Variants in NAIP observed in about 807,000 individuals in gnomAD.
NAIP encodes baculoviral IAP repeat-containing protein 1.
In NAIP, 15 loss-of-function variants were observed where a neutral mutation model predicts 23.0. That is an observed-to-expected ratio of 0.65 (90% CI 0.44 to 1.00). NAIP has a LOEUF of 1.00. Ranked by LOEUF, NAIP falls within the 50% of genes least tolerant of loss-of-function variation. The pLI, the probability that NAIP is intolerant of heterozygous loss-of-function variation, is 0.00. For synonymous variants in NAIP, 100 were observed against 100.2 expected, an observed-to-expected ratio of 1.00 and a Z score of 0.01; for missense variants, 265 against 278.8, an observed-to-expected ratio of 0.95 and a Z score of 0.35.
intron 4 of NAIP, 113 bp downstream of exon 4, chr5:71,012,235 A>G (rs1751193375): frequency 1.1e-6 from 1 of 914,320 alleles, no homozygotes; most frequent in Non-Finnish European, 1.6e-6. Flanking sequence ...TATACCTAAT[A>G]TAACACATTT....
chr5:70,977,826 C>T (rs211492), intron 13 of NAIP, among the ~76,000 whole-genome samples: 1 of 117,700 alleles, frequency 8.5e-6, no homozygotes, highest in Non-Finnish European at 1.9e-5. Flanking sequence ...AACCCCGTCT[C>T]TACTAAAAAT....
At chr5:71,012,050 A>C (rs1356175086) in intron 4 of NAIP, among the ~76,000 whole-genome samples, 1 of 151,572 alleles carries the variant, frequency 6.6e-6, no homozygotes, top group Non-Finnish European at 1.5e-5. Context: ...TGACCGCATG[A>C]GTTATTTAAT....
At position 71,012,263 on chromosome 5, in the gene NAIP, T is replaced by A. The variant is rs999707624; in HGVS notation, c.568+85A>T. The A allele has an allele frequency of 1.1e-5, 14 of 1,266,252 alleles. No individual in the cohort carries two copies. In the African/African-American group the frequency reaches 2.1e-4, roughly 19 times the overall value. The allele number at this position is 1,266,252 out of a possible 1,614,324, so 78.4% of individuals were successfully genotyped here. A position where few individuals can be genotyped will look rare whatever the true frequency, so the allele number is the denominator to read the frequency against. On this transcript the variant is annotated intron_variant, in intron 4 of 16. Transcript: ENST00000517649. The stretch of plus-strand genomic sequence containing the variant: ...ACACATTTAACCAGTGAAGAAAGTT[T>A]AGCAAAATATTGCAAAAGCAATTGA...
In NAIP at chr5:70,973,144, T is replaced by C. The variant is rs1347927813; in HGVS notation, c.3847+985A>G. On this transcript the variant is annotated intron_variant, in intron 16 of 16. Transcript: ENST00000517649. The stretch of plus-strand genomic sequence containing the variant: ...CTCGATCTCCTGACCTCGTGATCCA[T>C]CCGCCTCGGCCTCCCAAAGTGCTGG... 2.7e-5 allele frequency among the ~76,000 whole-genome samples: 4 copies of C among 150,892 alleles called. No individual in the cohort carries two copies. The East Asian group carries it at 6.0e-4, about 22-fold the overall frequency.
rs1419346372 is a variant in NAIP at position 71,012,446 on chromosome 5, T to G, written c.470A>C (p.Gln157Pro). The change falls in exon 4 of 17, where the codon CAA becomes CCA. Residue 157 changes from glutamine to proline, a missense_variant. Transcript: ENST00000517649. Reference protein sequence around the residue: ...SRLRGGKMRYQEEEARLASFR... With the variant: ...SRLRGGKMRYPEEEARLASFR... ...GGACGCAAGTCTAGCCTCCTCTTCT[T>G]GGTACCTCATTTTACCTCCTCTCAG... The G allele has an allele frequency of 1.9e-6, 3 of 1,611,508 alleles. No homozygotes were observed. The Admixed American group carries it at 5.0e-5, about 27-fold the overall frequency.
intron 12 of NAIP, among the ~76,000 whole-genome samples, chr5:70,980,554 CAAAA>C (rs1300023151): frequency 1.3e-4 from 1 of 7,600 alleles, no homozygotes; most frequent in Non-Finnish European, 2.0e-4. Flanking sequence ...GACTCCGTCT[CAAAA>C]AAAAAAAAAA....
At position 71,011,363 on chromosome 5, in the gene NAIP, T is replaced by C; in HGVS notation, c.580A>G (p.Thr194Ala). ...AGFVFTGKQDTVQCFSCGGCL... is the reference protein window; with the variant it reads ...AGFVFTGKQDAVQCFSCGGCL... Reference sequence around the variant, plus strand: ...CCACCACAGGAAAAACACTGTACCGTGTCCTGTTTACCTATATATGAAGGA... The same window carrying C: ...CCACCACAGGAAAAACACTGTACCGCGTCCTGTTTACCTATATATGAAGGA... Residue 194 changes from threonine (T) to alanine (A), a missense_variant, in exon 5 of 17, where the codon ACG (threonine) becomes GCG (alanine). Coordinates refer to ENST00000517649, the MANE Select transcript of NAIP (RefSeq NM_004536.3). The C allele has an allele frequency of 1.9e-6, 3 of 1,601,620 alleles. No individual in the cohort carries two copies. The highest frequency in any genetic ancestry group is 2.6e-6 in the Non-Finnish European group (3 of 1,172,894).
rs1296399975 is a variant in NAIP at position 71,011,385 on chromosome 5, A to C, written c.569-11T>G. 1.9e-6 allele frequency: 3 copies of C among 1,577,648 alleles called. No homozygotes were observed. The South Asian group carries it at 3.5e-5, about 18-fold the overall frequency. ...CCGTGTCCTGTTTACCTATATATGA[A>C]GGAAAATATTTAGATTGCCTGGCAG... On this transcript the variant is annotated splice_polypyrimidine_tract_variant and intron_variant, in intron 4 of 16. Coordinates refer to ENST00000517649, the MANE Select transcript of NAIP (RefSeq NM_004536.3).
chr5:71,014,006 A>T (rs1231109722), intron 3 of NAIP, among the ~76,000 whole-genome samples: 1 of 151,504 alleles, frequency 6.6e-6, no homozygotes, highest in East Asian at 1.9e-4. Flanking sequence ...CAAGAAATTG[A>T]ACTAATTTTC....
intron 5 of NAIP, among the ~76,000 whole-genome samples, chr5:71,010,361 C>T (rs1006239051): frequency 3.3e-5 from 5 of 151,576 alleles, no homozygotes; most frequent in South Asian, 2.1e-4. Context: ...CTCTGCCTCC[C>T]GGGTTCACAC....
At chr5:71,011,506 T>C in intron 4 of NAIP, 132 bp from the exon 5 acceptor site, 1 of 743,676 alleles carries the variant, frequency 1.3e-6, no homozygotes, top group Non-Finnish European at 2.2e-6. Context: ...TTGGCCTGAG[T>C]CTCCATCCTC....
rs548390343 is a variant in NAIP at position 71,012,482 on chromosome 5, A to C, written c.434T>G (p.Leu145Arg). The change falls in exon 4 of 17, where the codon CTG (leucine) becomes CGG (arginine). Residue 145 changes from leucine to arginine, a missense_variant. Leu to Arg is a moderately radical substitution (Grantham distance 102). Transcript: ENST00000517649. Reference sequence around the variant, plus strand: ...TTTACCTCCTCTCAGCCTGCTCTTCAGATTCTTCACCCTTATGTCGTACTT... The same window carrying C: ...TTTACCTCCTCTCAGCCTGCTCTTCCGATTCTTCACCCTTATGTCGTACTT... Reference protein sequence around the residue: ...IAKYDIRVKNLKSRLRGGKMR... With the variant: ...IAKYDIRVKNRKSRLRGGKMR... 1 of 1,611,696 alleles carries C rather than the reference A, an allele frequency of 6.2e-7. No homozygotes were observed. Among genetic ancestry groups the C allele is most frequent in the African/African-American group, 1.3e-5 (1 of 74,766 alleles).
intron 12 of NAIP, 122 bp from the exon 13 acceptor site, chr5:70,980,158 CT>C (rs1373301850): frequency 0.11 from 19 of 170 alleles, no homozygotes; most frequent in South Asian, 0.12. Context: ...ATAAAACATT[CT>C]TTTTTTTTTT....
chr5:71,017,921 T>C (rs1361589914), intron 3 of NAIP, among the ~76,000 whole-genome samples: 1 of 136,450 alleles, frequency 7.3e-6, no homozygotes, highest in Non-Finnish European at 1.6e-5. Flanking sequence ...TGCAGTGGCA[T>C]GATTCTAGCT....
intron 6 of NAIP, among the ~76,000 whole-genome samples, chr5:71,002,523 C>T (rs1750851702): frequency 6.7e-6 from 1 of 150,204 alleles, no homozygotes; most frequent in South Asian, 2.1e-4. Flanking sequence ...ATTCTCCTGC[C>T]TCAGCCTCCC....
intron 8 of NAIP, among the ~76,000 whole-genome samples, chr5:71,000,525 A>C (rs1224696742): frequency 8.7e-5 from 9 of 102,898 alleles, no homozygotes; most frequent in African/African-American, 3.1e-4. Context: ...CTGACTAATA[A>C]TAATAATAAT....
chr5:71,012,274 TGCAAAA>T (rs1436381006), intron 4 of NAIP, 68 bp downstream of exon 4: 2 of 1,366,118 alleles, frequency 1.5e-6, no homozygotes, highest in Admixed American at 2.4e-5. Flanking sequence ...AGCAAAATAT[TGCAAAA>T]GCAATTGAAA....
At position 71,016,218 on chromosome 5, in the gene NAIP, C is replaced by T. The variant is rs1230901465; in HGVS notation, c.-3-3300G>A. ...CTGAGGTGGAAGGATCTCTTGAGCC[C>T]AGGAATATGAAGCTGCGGGGAGCTA... On this transcript the variant is annotated intron_variant, in intron 3 of 16. Coordinates refer to ENST00000517649, the MANE Select transcript of NAIP (RefSeq NM_004536.3). Among the ~76,000 whole-genome samples the T allele has an allele frequency of 7.4e-5, 11 of 149,398 alleles. No individual in the cohort carries two copies. The East Asian group carries it at 2.2e-3, about 30-fold the overall frequency.
At chr5:71,013,298 G>C (rs965399440) in intron 3 of NAIP, among the ~76,000 whole-genome samples, 2 of 151,064 alleles carry the variant, frequency 1.3e-5, no homozygotes, top group African/African-American at 4.9e-5. Flanking sequence ...CAATTTGATC[G>C]AATTACTCAG....
Sources: gnomAD v4.1 joint callset for allele counts (sites outside exome capture counted in the v4.1 genomes callset) on GRCh38, gnomAD v4.1.1 for gene constraint, MANE v1.5 for transcripts, NCBI Gene and HGNC (gene_info 2026-07-23, HGNC 2026-07-21) for gene names.